The following IPMK variants were observed in gnomAD, a reference collection of about 807,000 sequenced individuals.
IPMK encodes inositol 1,3,4,6-tetrakisphosphate 5-kinase.
A neutral mutation model predicts 45.8 loss-of-function variants in IPMK; 17 were observed. The ratio of observed to expected loss-of-function variants is 0.37; its 90% CI spans 0.25 to 0.56. IPMK has a LOEUF of 0.56. Among genes scored for constraint, IPMK ranks in the 20% least tolerant of loss-of-function variants. The pLI is 0.79. For synonymous variants in IPMK, 180 were observed against 184.3 expected (o/e 0.98, Z 0.19); for missense variants, 399 against 498.0 (o/e 0.80, Z 1.89).
intron 1 of IPMK, among the ~76,000 whole-genome samples, chr10:58,250,002 G>A (rs1588970471): frequency 6.6e-6 from 1 of 152,176 alleles, no homozygotes; most frequent in Non-Finnish European, 1.5e-5. Flanking sequence ...CTGGAAACCA[G>A]TGAATTTATT....
At chr10:58,262,656 T>G (rs924987030) in intron 1 of IPMK, among the ~76,000 whole-genome samples, 1 of 152,192 alleles carries the variant, frequency 6.6e-6, no homozygotes, top group African/African-American at 2.4e-5. Flanking sequence ...AGTTATGAGA[T>G]AATTCTAAAA....
rs540976431 is a variant in IPMK, at chr10:58,262,157, C to A, written c.190+5265G>T. Among the ~76,000 whole-genome samples the A allele has an allele frequency of 2.0e-5, 3 of 152,066 alleles. No homozygotes were observed. In the East Asian group the frequency reaches 5.8e-4, roughly 29 times the overall value. ...ATACCTAATGTAAATGACTAGTTAACGAGTGCAGCAAACCAACACTGCACA... is the reference window on the plus strand; with the variant it reads ...ATACCTAATGTAAATGACTAGTTAAAGAGTGCAGCAAACCAACACTGCACA... On this transcript the variant is annotated intron_variant, in intron 1 of 5. Coordinates refer to ENST00000373935, the MANE Select transcript of IPMK (RefSeq NM_152230.5).
intron 4 of IPMK, among the ~76,000 whole-genome samples, chr10:58,213,970 G>C (rs1838206063): frequency 6.6e-6 from 1 of 152,222 alleles, no homozygotes; most frequent in Non-Finnish European, 1.5e-5. Context: ...ATGGGAAATA[G>C]GGAAATAGAA....
intron 3 of IPMK, among the ~76,000 whole-genome samples, chr10:58,220,613 T>C (rs910571120): frequency 6.6e-6 from 1 of 151,166 alleles, no homozygotes; most frequent in Non-Finnish European, 1.5e-5. Context: ...TAATATACAG[T>C]AAAGCACTTA....
chr10:58,250,150 AT>A (rs1160412760), intron 1 of IPMK, among the ~76,000 whole-genome samples: 1 of 152,134 alleles, frequency 6.6e-6, no homozygotes, highest in Non-Finnish European at 1.5e-5. Context: ...TTTGCTCAGC[AT>A]TTCTTTGGGT....
At chr10:58,201,839 C>T (rs990374613) in intron 4 of IPMK, among the ~76,000 whole-genome samples, 10 of 152,062 alleles carry the variant, frequency 6.6e-5, no homozygotes, top group Non-Finnish European at 2.9e-5. Context: ...ACAGTAAACA[C>T]ACAAATGATA....
chr10:58,213,771 G>A (rs1838203189), intron 4 of IPMK, among the ~76,000 whole-genome samples: 3 of 151,960 alleles, frequency 2.0e-5, no homozygotes, highest in Admixed American at 2.0e-4. Flanking sequence ...AACCAGGAGA[G>A]AGATGGGTGC....
chr10:58,265,853 A>T (rs940714993), intron 1 of IPMK, among the ~76,000 whole-genome samples: 1 of 152,326 alleles, frequency 6.6e-6, no homozygotes, highest in East Asian at 1.9e-4. Context: ...CTTAAGTGAC[A>T]ATTATTTAGA....
chr10:58,230,077 G>T (rs531983848), intron 2 of IPMK, among the ~76,000 whole-genome samples: 30 of 152,276 alleles, frequency 2.0e-4, no homozygotes, highest in African/African-American at 6.5e-4. Flanking sequence ...GTCTGAGATC[G>T]AACTGCGAGG....
intron 1 of IPMK, among the ~76,000 whole-genome samples, chr10:58,258,001 C>G (rs1838997706): frequency 6.6e-6 from 1 of 152,188 alleles, no homozygotes; most frequent in Admixed American, 6.6e-5. Context: ...CAATTACTTT[C>G]TCAATAATTG....
At chr10:58,261,744 G>T (rs1232908162) in intron 1 of IPMK, among the ~76,000 whole-genome samples, 1 of 152,086 alleles carries the variant, frequency 6.6e-6, no homozygotes, top group Non-Finnish European at 1.5e-5. Flanking sequence ...AACACATCCG[G>T]CTAATTTTTG....
intron 5 of IPMK, among the ~76,000 whole-genome samples, chr10:58,197,326 A>AATAAATAAATAAATAC (rs764500371): frequency 2.0e-5 from 3 of 146,426 alleles, no homozygotes; most frequent in African/African-American, 7.9e-5. Flanking sequence ...TAAATAAATA[A>AATAAATAAATAAATAC]ATACATAAAT....
intron 3 of IPMK, among the ~76,000 whole-genome samples, chr10:58,226,293 A>G (rs1397365791): frequency 6.6e-6 from 1 of 152,204 alleles, no homozygotes; most frequent in Admixed American, 6.5e-5. Context: ...AACTATCCAC[A>G]TCAGAAACAC....
chr10:58,236,927 G>A lies in IPMK; in HGVS notation c.276+802C>T, dbSNP rs150121890. ...TCTACAAAAAATGCAAAAATTAGCCGGGCTGCGTGGCACACGCCTGTAGTT... is the reference window on the plus strand; with the variant it reads ...TCTACAAAAAATGCAAAAATTAGCCAGGCTGCGTGGCACACGCCTGTAGTT... On this transcript the variant is annotated intron_variant, in intron 2 of 5. Coordinates refer to ENST00000373935, the MANE Select transcript of IPMK (RefSeq NM_152230.5). Among the ~76,000 whole-genome samples the A allele has an allele frequency of 1.2e-4, 19 of 152,156 alleles. No homozygotes were observed. The East Asian group carries it at 2.5e-3, about 20-fold the overall frequency.
chr10:58,265,010 C>T (rs1446402149), intron 1 of IPMK, among the ~76,000 whole-genome samples: 5 of 152,080 alleles, frequency 3.3e-5, no homozygotes, highest in African/African-American at 7.2e-5. Flanking sequence ...CCTAAAAGAT[C>T]CGTGTACTAT....
intron 1 of IPMK, among the ~76,000 whole-genome samples, chr10:58,246,329 A>G (rs1838799944): frequency 6.7e-6 from 1 of 149,780 alleles, no homozygotes; most frequent in Non-Finnish European, 1.5e-5. Flanking sequence ...GAACCAAAAA[A>G]GAGTCCGCAT....
intron 2 of IPMK, among the ~76,000 whole-genome samples, chr10:58,231,926 G>A (rs11498150): frequency 0.016 from 2,497 of 152,244 alleles, 75 homozygotes; most frequent in African/African-American, 0.058. Flanking sequence ...CCGTATTCAG[G>A]AGACCCATCT....
chr10:58,203,979 A>C (rs1240137984), intron 4 of IPMK, among the ~76,000 whole-genome samples: 1 of 152,268 alleles, frequency 6.6e-6, no homozygotes, highest in East Asian at 1.9e-4. Context: ...TACTAGCAAA[A>C]GGAAACAACT....
chr10:58,225,609 CCAAA>C (rs1413103783), intron 3 of IPMK, among the ~76,000 whole-genome samples: 1 of 152,118 alleles, frequency 6.6e-6, no homozygotes, highest in South Asian at 2.1e-4. Context: ...TCTACTCTTT[CCAAA>C]CAATCTTTTA....
Sources: gnomAD v4.1 joint callset for allele counts (sites outside exome capture counted in the v4.1 genomes callset) on GRCh38, gnomAD v4.1.1 for gene constraint, MANE v1.5 for transcripts, NCBI Gene and HGNC (gene_info 2026-07-23, HGNC 2026-07-21) for gene names.